Variants in PCDHA2 observed in about 807,000 individuals in gnomAD.
PCDHA2 encodes protocadherin alpha-2.
In PCDHA2, 58 loss-of-function variants were observed where a neutral mutation model predicts 66.0. The ratio of observed to expected loss-of-function variants is 0.88; its 90% CI spans 0.71 to 1.09. The LOEUF is 1.09. Ranked by LOEUF, PCDHA2 falls within the 50% of genes least tolerant of loss-of-function variation. PCDHA2 has a pLI of 0.00. For synonymous variants in PCDHA2, 634 were observed against 554.0 expected (o/e 1.14, Z -2.03); for missense variants, 1,267 against 1,242.3 (o/e 1.02, Z -0.30).
intron 3 of PCDHA2, among the ~76,000 whole-genome samples, chr5:140,990,438 T>C (rs2097393735): frequency 2.0e-5 from 3 of 152,222 alleles, no homozygotes; most frequent in Admixed American, 2.0e-4. Context: ...CCCAATCTTG[T>C]GTCCAGAGCT....
rs782520846 is a variant in PCDHA2, at chr5:140,842,848, G to T, written c.2388+45496G>T. On this transcript the variant is annotated intron_variant, in intron 1 of 3. Coordinates refer to ENST00000526136, the MANE Select transcript of PCDHA2 (RefSeq NM_018905.3). ...AGCGCTCGCTGTCGAGCTACATTTC[G>T]GTGCACACGGAGAGCGGCAAGGTGT... The T allele has an allele frequency of 1.9e-6, 3 of 1,593,918 alleles. 1 individual carries two copies. Among genetic ancestry groups the T allele is most frequent in the Non-Finnish European group, 2.6e-6 (3 of 1,165,378 alleles).
rs1554135637 is a variant in PCDHA2, at chr5:140,836,136, G to A, written c.2388+38784G>A. The A allele has an allele frequency of 1.2e-6, 2 of 1,613,670 alleles. No individual in the cohort carries two copies. The highest frequency in any genetic ancestry group is 1.7e-5 in the Admixed American group (1 of 59,996). ...AGTGAGAGAGCTTGTGCCGCGGTCT[G>A]TGGGCGCGGGCCATGTGGTGGCGAA... On this transcript the variant is annotated intron_variant, in intron 1 of 3. Transcript: ENST00000526136.
At chr5:140,864,213 C>T (rs1389443344) in intron 1 of PCDHA2, 1 of 152,256 alleles carries the variant, frequency 6.6e-6, no homozygotes, top group East Asian at 1.9e-4. Context: ...CAAATCTTCT[C>T]AATTTTGAAG....
intron 1 of PCDHA2, chr5:140,871,365 G>A: frequency 6.2e-7 from 1 of 1,614,218 alleles, no homozygotes; most frequent in Non-Finnish European, 8.5e-7. Context: ...AGCAGAGGCG[G>A]CAGAGGGTGT....
chr5:140,819,007 T>C (rs1285743975), intron 1 of PCDHA2, among the ~76,000 whole-genome samples: 1 of 152,248 alleles, frequency 6.6e-6, no homozygotes, highest in East Asian at 1.9e-4. Context: ...ACAGAGGATA[T>C]ATAATATGGA....
In PCDHA2 at chr5:140,823,028, C is replaced by T. The variant is rs2150121496; in HGVS notation, c.2388+25676C>T. On this transcript the variant is annotated intron_variant, in intron 1 of 3. Coordinates refer to ENST00000526136, the MANE Select transcript of PCDHA2 (RefSeq NM_018905.3). ...AGCGCCCTGGACCGCGAGAGCGTGT[C>T]GGTCTATGAGCTGGTGGTGACCGCG... 16 of 1,614,206 alleles carry T rather than the reference C, an allele frequency of 9.9e-6. No individual in the cohort carries two copies. Among genetic ancestry groups the T allele is most frequent in the South Asian group, 9.9e-5 (9 of 91,088 alleles).
chr5:140,961,805 G>A (rs1554225601), intron 1 of PCDHA2, among the ~76,000 whole-genome samples: 1 of 151,810 alleles, frequency 6.6e-6, no homozygotes, highest in African/African-American at 2.4e-5. Context: ...AGGAAATTGG[G>A]TTCTCTAGTC....
At chr5:140,842,325 C>A in intron 1 of PCDHA2, 2 of 1,607,094 alleles carry the variant, frequency 1.2e-6, no homozygotes, top group Non-Finnish European at 8.5e-7. Context: ...GGTCATTGCA[C>A]CGTTTTAGTG....
At chr5:140,868,536 T>C (rs2050515063) in intron 1 of PCDHA2, 1 of 152,638 alleles carries the variant, frequency 6.6e-6, no homozygotes, top group Non-Finnish European at 1.5e-5. Flanking sequence ...AGTAAAACAA[T>C]TCAAATTTGA....
chr5:140,936,151 C>T (rs947807537), intron 1 of PCDHA2, among the ~76,000 whole-genome samples: 66 of 152,246 alleles, frequency 4.3e-4, no homozygotes, highest in African/African-American at 1.5e-3. Context: ...CCTTGGCCTC[C>T]TAAAGTGCTG....
chr5:140,994,428 C>T lies in PCDHA2; in HGVS notation c.2536+11865C>T, dbSNP rs183026150. Among the ~76,000 whole-genome samples, 15 of 152,198 alleles carry T rather than the reference C, an allele frequency of 9.9e-5. No individual in the cohort carries two copies. The South Asian group carries it at 1.2e-3, about 13-fold the overall frequency. On this transcript the variant is annotated intron_variant, in intron 3 of 3. Transcript: ENST00000526136. ...TTTAATACTGGATATTGAGGCCGGGCGCAGTGGCTCACACCTGTGATCCCA... is the reference window on the plus strand; with the variant it reads ...TTTAATACTGGATATTGAGGCCGGGTGCAGTGGCTCACACCTGTGATCCCA...
At chr5:140,931,246 C>A (rs2087398062) in intron 1 of PCDHA2, among the ~76,000 whole-genome samples, 1 of 152,114 alleles carries the variant, frequency 6.6e-6, no homozygotes, top group East Asian at 1.9e-4. Flanking sequence ...ACTTTTCCTA[C>A]CAAGAAATTT....
intron 1 of PCDHA2, chr5:140,801,413 G>A (rs782324321): frequency 1.9e-6 from 3 of 1,613,776 alleles, no homozygotes; most frequent in South Asian, 2.2e-5. Flanking sequence ...AAAGACACGG[G>A]GACCTTCTGG....
intron 1 of PCDHA2, chr5:140,870,538 C>T (rs539269989): frequency 6.2e-7 from 1 of 1,614,154 alleles, no homozygotes; most frequent in African/African-American, 1.3e-5. Flanking sequence ...AGTGTCGGCG[C>T]GGGACGCGGA....
chr5:140,995,276 C>T (rs2097674050), intron 3 of PCDHA2, among the ~76,000 whole-genome samples: 4 of 152,030 alleles, frequency 2.6e-5, no homozygotes, highest in Non-Finnish European at 1.5e-5. Flanking sequence ...CCCTTTGATA[C>T]CAAAACAGCC....
At chr5:140,989,546 CT>C (rs1343132361) in intron 3 of PCDHA2, among the ~76,000 whole-genome samples, 1 of 152,140 alleles carries the variant, frequency 6.6e-6, no homozygotes, top group African/African-American at 2.4e-5. Context: ...TTTGTAATTC[CT>C]TTACGTTTTG....
chr5:140,952,379 G>T (rs1384901092), intron 1 of PCDHA2, among the ~76,000 whole-genome samples: 1 of 151,322 alleles, frequency 6.6e-6, no homozygotes, highest in Non-Finnish European at 1.5e-5. Flanking sequence ...TCCTCTGCCA[G>T]GTACCCTAAA....
intron 1 of PCDHA2, among the ~76,000 whole-genome samples, chr5:140,904,640 C>T (rs1484010152): frequency 6.6e-6 from 1 of 152,046 alleles, no homozygotes; most frequent in Non-Finnish European, 1.5e-5. Flanking sequence ...GGAATCTCCA[C>T]ACTGTTTTCC....
intron 1 of PCDHA2, chr5:140,857,362 C>A: frequency 1.3e-6 from 2 of 1,598,452 alleles, no homozygotes. Flanking sequence ...GGGCCACGGC[C>A]AGCGTGTCTG....
Sources: gnomAD v4.1 joint callset for allele counts (sites outside exome capture counted in the v4.1 genomes callset) on GRCh38, gnomAD v4.1.1 for gene constraint, MANE v1.5 for transcripts, NCBI Gene and HGNC (gene_info 2026-07-23, HGNC 2026-07-21) for gene names.